The following CDHR3 variants were observed in gnomAD, a reference collection of about 807,000 sequenced individuals.
The protein encoded by CDHR3 is cadherin-related family member 3.
CDHR3 carries 79 observed loss-of-function variants against 86.6 expected under a neutral mutation model. The observed-to-expected ratio is 0.91, with a 90% confidence interval of 0.76 to 1.10. CDHR3 has a LOEUF of 1.10. Ranked by LOEUF, CDHR3 falls within the 50% of genes least tolerant of loss-of-function variation. The probability of loss-of-function intolerance (pLI) is 0.00; values close to 1 mark genes in which losing one functional copy is unlikely to be tolerated. For synonymous variants in CDHR3, 421 were observed against 402.4 expected (o/e 1.05, Z -0.55); for missense variants, 1,081 against 1,077.6 (o/e 1.00, Z -0.04).
intron 4 of CDHR3, among the ~76,000 whole-genome samples, chr7:105,993,381 G>T: frequency 6.6e-6 from 1 of 152,044 alleles, no homozygotes; most frequent in Non-Finnish European, 1.5e-5. Flanking sequence ...GTGAGGACCA[G>T]AGCTTAAGCT....
rs780136347 is a variant in CDHR3, at chr7:106,022,425, A to G, written c.2053A>G (p.Thr685Ala). The G allele has an allele frequency of 5.6e-6, 9 of 1,613,720 alleles. No individual in the cohort carries two copies. Among genetic ancestry groups the G allele is most frequent in the Non-Finnish European group, 7.6e-6 (9 of 1,179,808 alleles). The change falls in exon 14 of 19, where the codon ACT becomes GCT. Residue 685 changes from threonine (T) to alanine (A), a missense_variant. Thr to Ala is a moderately conservative substitution (Grantham distance 58). Coordinates refer to ENST00000317716, the MANE Select transcript of CDHR3 (RefSeq NM_152750.5). ...LSIKVIPHPT[T>A]IITTTPRPRV... ...TATTAAAGTCATTCCCCACCCAACCACTATCATCACCACGACCCCCAGGGT... is the reference window on the plus strand; with the variant it reads ...TATTAAAGTCATTCCCCACCCAACCGCTATCATCACCACGACCCCCAGGGT...
chr7:106,019,388 G>GTTT (rs35278081), intron 12 of CDHR3, among the ~76,000 whole-genome samples: 8 of 141,636 alleles, frequency 5.6e-5, no homozygotes, highest in African/African-American at 1.5e-4. Flanking sequence ...TTGTTAGGCT[G>GTTT]TTTTTTTTTT....
chr7:105,987,196 G>GA (rs976842779), intron 4 of CDHR3, among the ~76,000 whole-genome samples: 16 of 151,280 alleles, frequency 1.1e-4, no homozygotes, highest in South Asian at 2.1e-4. Flanking sequence ...GCTCCCTTCA[G>GA]AAAAAAAAAT....
Position 105,999,742 on chromosome 7 carries a change from A to T in CDHR3, c.714-1720A>T, listed in dbSNP as rs113090790. On this transcript the variant is annotated intron_variant, in intron 6 of 18. Coordinates refer to ENST00000317716, the MANE Select transcript of CDHR3 (RefSeq NM_152750.5). ...TATAATCATCCTTCCGAAACATTAA[A>T]GTCTATGCAGATTAGCTGGGCATCT... Among the ~76,000 whole-genome samples the T allele has an allele frequency of 3.6e-3, 549 of 151,922 alleles. 4 individuals are homozygous for T. Among genetic ancestry groups the T allele is most frequent in the African/African-American group, 0.013 (523 of 41,496 alleles).
chr7:105,963,605 C>T (rs1391410139), intron 1 of CDHR3, among the ~76,000 whole-genome samples: 2 of 152,122 alleles, frequency 1.3e-5, no homozygotes, highest in African/African-American at 4.8e-5. Context: ...ACTTCACTTT[C>T]CCTCTTGGGT....
rs6967330 is a variant in CDHR3 at position 106,018,005 on chromosome 7, G to A, written c.1586G>A (p.Cys529Tyr). The A allele has an allele frequency of 0.18, 288,053 of 1,611,648 alleles. 27,565 individuals carry two copies. Among genetic ancestry groups the A allele is most frequent in the Middle Eastern group, 0.28 (1,715 of 6,054 alleles). ...CTCCAGCTGGTAACTAAAGTGGACTGTGAAACAACCCCCATCTATATTCTC... is the reference window on the plus strand; with the variant it reads ...CTCCAGCTGGTAACTAAAGTGGACTATGAAACAACCCCCATCTATATTCTC... ...GELQLVTKVD[C>Y]ETTPIYILRI... Residue 529 changes from cysteine to tyrosine, a missense_variant, in exon 12 of 19, where the codon TGT (cysteine) becomes TAT (tyrosine). Coordinates refer to ENST00000317716, the MANE Select transcript of CDHR3 (RefSeq NM_152750.5).
intron 2 of CDHR3, among the ~76,000 whole-genome samples, chr7:105,978,611 T>A (rs1435670155): frequency 6.6e-6 from 1 of 152,074 alleles, no homozygotes; most frequent in East Asian, 1.9e-4. Context: ...AAATGTGAAA[T>A]GGAGGAAGTT....
intron 4 of CDHR3, among the ~76,000 whole-genome samples, chr7:105,987,245 G>T (rs983042876): frequency 6.6e-6 from 1 of 152,180 alleles, no homozygotes; most frequent in African/African-American, 2.4e-5. Context: ...AGCTGCGGGG[G>T]CTTGTGGCTT....
At chr7:105,969,105 A>C (rs79292434) in intron 1 of CDHR3, among the ~76,000 whole-genome samples, 1 of 145,592 alleles carries the variant, frequency 6.9e-6, no homozygotes, top group East Asian at 2.1e-4. Flanking sequence ...AAATAAAAAT[A>C]AAAAAAGTGG....
chr7:106,028,939 TC>T (rs1563312031), intron 17 of CDHR3, among the ~76,000 whole-genome samples: 95 of 126,864 alleles, frequency 7.5e-4, no homozygotes, highest in African/African-American at 3.0e-3. Flanking sequence ...TTTCTTTCTT[TC>T]TTTCTTTCTT....
At chr7:106,024,585 C>G in intron 15 of CDHR3, 23 bp downstream of exon 15, 7 of 1,610,418 alleles carry the variant, frequency 4.3e-6, no homozygotes, top group Non-Finnish European at 5.9e-6. Context: ...TGGGCTGGGC[C>G]CTCTTCCCCA....
chr7:105,992,846 A>G (rs1025370981), intron 4 of CDHR3, among the ~76,000 whole-genome samples: 2 of 152,242 alleles, frequency 1.3e-5, no homozygotes, highest in Non-Finnish European at 2.9e-5. Context: ...TTTCTTTTTT[A>G]TACTTTTCTG....
At chr7:105,967,231 T>G (rs2115592274) in intron 1 of CDHR3, among the ~76,000 whole-genome samples, 1 of 152,308 alleles carries the variant, frequency 6.6e-6, no homozygotes, top group East Asian at 1.9e-4. Flanking sequence ...TTGCGATAGT[T>G]TGCTAAGAAT....
intron 1 of CDHR3, among the ~76,000 whole-genome samples, chr7:105,973,954 C>CA (rs1472699290): frequency 1.3e-5 from 2 of 151,518 alleles, no homozygotes; most frequent in South Asian, 2.1e-4. Context: ...AAGACTGTCT[C>CA]AAAAAAACAA....
Position 106,033,291 on chromosome 7 carries a change from A to G in CDHR3, c.*594A>G, listed in dbSNP as rs1838638650. ...TTTTTCTTGTGGTGTCCGGATCAGC[A>G]TCCTGCATGTGAGATTCATCCACGT... On this transcript the variant is annotated 3_prime_UTR_variant, in exon 19 of 19. Coordinates refer to ENST00000317716, the MANE Select transcript of CDHR3 (RefSeq NM_152750.5). 1 of 153,024 alleles carries G rather than the reference A, an allele frequency of 6.5e-6. No homozygotes were observed. Among genetic ancestry groups the G allele is most frequent in the South Asian group, 2.1e-4 (1 of 4,858 alleles). The allele number at this position is 153,024 out of a possible 1,614,324, so 9.5% of individuals were successfully genotyped here.
chr7:106,028,766 A>G (rs1341450668), intron 17 of CDHR3, among the ~76,000 whole-genome samples, 184 bp downstream of exon 17: 1 of 152,208 alleles, frequency 6.6e-6, no homozygotes, highest in Non-Finnish European at 1.5e-5. Flanking sequence ...CCTCCACTGA[A>G]CATGCCTGCT....
At chr7:105,984,380 G>A in intron 4 of CDHR3, 91 bp downstream of exon 4, 2 of 859,422 alleles carry the variant, frequency 2.3e-6, no homozygotes, top group South Asian at 4.1e-5. Context: ...GGTGAGTTTG[G>A]GCAGTGGCAG....
chr7:105,967,658 A>G (rs1163427400), intron 1 of CDHR3, among the ~76,000 whole-genome samples: 10 of 152,310 alleles, frequency 6.6e-5, no homozygotes, highest in East Asian at 5.8e-4. Flanking sequence ...TAACTGGTGT[A>G]AGATGGTATC....
At chr7:106,014,354 C>T (rs1421877436) in intron 9 of CDHR3, among the ~76,000 whole-genome samples, 1 of 152,104 alleles carries the variant, frequency 6.6e-6, no homozygotes, top group Non-Finnish European at 1.5e-5. Flanking sequence ...ATGTTTTTTC[C>T]TTCTATACAT....
Sources: gnomAD v4.1 joint callset for allele counts (sites outside exome capture counted in the v4.1 genomes callset) on GRCh38, gnomAD v4.1.1 for gene constraint, MANE v1.5 for transcripts, NCBI Gene and HGNC (gene_info 2026-07-23, HGNC 2026-07-21) for gene names.